Variants in LRP1B observed in about 807,000 individuals in gnomAD.
LRP1B encodes low-density lipoprotein receptor-related protein 1B.
In LRP1B, 217 loss-of-function variants were observed where a neutral mutation model predicts 556.6. That is an observed-to-expected ratio of 0.39 (90% CI 0.35 to 0.44). The LOEUF (loss-of-function observed/expected upper bound fraction) is 0.44. LRP1B is among the 20% of genes least tolerant of loss of function. The probability of loss-of-function intolerance (pLI) is 1.00; values close to 1 mark genes in which losing one functional copy is unlikely to be tolerated. For synonymous variants in LRP1B, 2,047 were observed against 1,865.8 expected (o/e 1.10, Z -2.50); for missense variants, 5,053 against 5,620.8 (o/e 0.90, Z 3.23).
intron 20 of LRP1B, among the ~76,000 whole-genome samples, chr2:140,937,093 C>T (rs1174706800): frequency 6.6e-6 from 1 of 151,914 alleles, no homozygotes; most frequent in African/African-American, 2.4e-5. Context: ...AGATAATAAG[C>T]TATAGAATAT....
chr2:142,112,063 A>G lies in LRP1B; in HGVS notation c.82+18585T>C, dbSNP rs1476764933. Among the ~76,000 whole-genome samples, 4 of 152,096 alleles carry G rather than the reference A, an allele frequency of 2.6e-5. 1 individual carries two copies. Among genetic ancestry groups the G allele is most frequent in the Admixed American group, 2.6e-4 (4 of 15,220 alleles). ...AAGCATTACATCAAGGTGCCTTTCC[A>G]TCTATGCTATGAATTCTACTAGTAC... On this transcript the variant is annotated intron_variant, in intron 1 of 90. Coordinates refer to ENST00000389484, the MANE Select transcript of LRP1B (RefSeq NM_018557.3).
At chr2:141,519,084 A>T (rs12997891) in intron 2 of LRP1B, among the ~76,000 whole-genome samples, 92,012 of 151,848 alleles carry the variant, frequency 0.61, 28,196 homozygotes, top group South Asian at 0.7. Flanking sequence ...GCTTTTCATA[A>T]GTTTACTATT....
chr2:140,249,239 A>AT (rs1286278327), intron 86 of LRP1B, among the ~76,000 whole-genome samples: 4 of 151,702 alleles, frequency 2.6e-5, no homozygotes, highest in South Asian at 2.1e-4. Context: ...AACATCATGT[A>AT]TTTTTAATAA....
intron 2 of LRP1B, among the ~76,000 whole-genome samples, chr2:141,556,219 G>A (rs1408517909): frequency 1.3e-5 from 2 of 151,846 alleles, no homozygotes; most frequent in Non-Finnish European, 2.9e-5. Flanking sequence ...GAGACAATTA[G>A]CTGTACTTCC....
At chr2:141,077,562 A>G (rs1237200006) in intron 7 of LRP1B, among the ~76,000 whole-genome samples, 1 of 152,166 alleles carries the variant, frequency 6.6e-6, no homozygotes, top group African/African-American at 2.4e-5. Context: ...CTTCGTGTCT[A>G]TAGTCGGCTG....
At chr2:141,248,445 T>C (rs534922933) in intron 4 of LRP1B, among the ~76,000 whole-genome samples, 5 of 152,166 alleles carry the variant, frequency 3.3e-5, no homozygotes, top group Non-Finnish European at 7.4e-5. Context: ...AAGGGGAATC[T>C]TAAGTGAAGA....
At chr2:140,754,622 G>T (rs1022268229) in intron 35 of LRP1B, among the ~76,000 whole-genome samples, 2 of 152,088 alleles carry the variant, frequency 1.3e-5, no homozygotes, top group South Asian at 2.1e-4. Context: ...AATACTTTGA[G>T]ATGAGTGAAA....
chr2:141,120,258 A>G (rs1701013645), intron 7 of LRP1B, among the ~76,000 whole-genome samples: 1 of 151,942 alleles, frequency 6.6e-6, no homozygotes, highest in African/African-American at 2.4e-5. Context: ...AAGGATATTC[A>G]TTTCTAGTTT....
At chr2:141,476,245 TA>T (rs1682701771) in intron 3 of LRP1B, among the ~76,000 whole-genome samples, 1 of 152,212 alleles carries the variant, frequency 6.6e-6, no homozygotes, top group Non-Finnish European at 1.5e-5. Flanking sequence ...ATTAACATAA[TA>T]AATTATCTTA....
At chr2:142,037,399 G>A (rs947375276) in intron 1 of LRP1B, among the ~76,000 whole-genome samples, 2 of 151,556 alleles carry the variant, frequency 1.3e-5, no homozygotes, top group Non-Finnish European at 3.0e-5. Context: ...ACACACAGCA[G>A]GTAGAGAATC....
intron 3 of LRP1B, among the ~76,000 whole-genome samples, chr2:141,361,277 C>G (rs910231206): frequency 6.6e-6 from 1 of 152,122 alleles, no homozygotes; most frequent in East Asian, 1.9e-4. Context: ...TGAATCTTAT[C>G]TTTTATTCAC....
chr2:142,025,632 C>A (rs1251411665), intron 1 of LRP1B, among the ~76,000 whole-genome samples: 1 of 152,074 alleles, frequency 6.6e-6, no homozygotes, highest in Admixed American at 6.6e-5. Flanking sequence ...AGATGGGTCA[C>A]CCCGGGTGGG....
At chr2:140,735,019 C>G (rs772089133) in intron 35 of LRP1B, among the ~76,000 whole-genome samples, 2 of 152,102 alleles carry the variant, frequency 1.3e-5, no homozygotes, top group Non-Finnish European at 2.9e-5. Context: ...GACTCTGTTT[C>G]CCAAAAGACC....
At chr2:140,714,113 T>C (rs867322874) in intron 37 of LRP1B, among the ~76,000 whole-genome samples, 91 of 152,276 alleles carry the variant, frequency 6.0e-4, no homozygotes, top group African/African-American at 2.1e-3. Context: ...ATTTTCAGTT[T>C]AAACAGAAAA....
chr2:141,424,819 T>C (rs1234353315), intron 3 of LRP1B, among the ~76,000 whole-genome samples: 2 of 152,212 alleles, frequency 1.3e-5, no homozygotes, highest in Non-Finnish European at 2.9e-5. Flanking sequence ...TGCACATTCC[T>C]ATGGCACTAG....
chr2:140,570,046 G>A (rs1413781692), intron 43 of LRP1B, among the ~76,000 whole-genome samples: 1 of 151,594 alleles, frequency 6.6e-6, no homozygotes, highest in African/African-American at 2.4e-5. Flanking sequence ...TTGTTAATAG[G>A]CAAGGCTATA....
intron 87 of LRP1B, among the ~76,000 whole-genome samples, chr2:140,244,861 T>G (rs1558921850): frequency 6.6e-6 from 1 of 151,284 alleles, no homozygotes; most frequent in Non-Finnish European, 1.5e-5. Flanking sequence ...TCGTTCTTAT[T>G]GGGCAGACGA....
chr2:141,113,524 A>G (rs1700806143), intron 7 of LRP1B, among the ~76,000 whole-genome samples: 2 of 152,150 alleles, frequency 1.3e-5, no homozygotes, highest in African/African-American at 2.4e-5. Flanking sequence ...CTTAGTTTTA[A>G]TGGTCTAGCA....
intron 43 of LRP1B, among the ~76,000 whole-genome samples, chr2:140,582,953 T>C (rs1681831623): frequency 6.6e-6 from 1 of 152,140 alleles, no homozygotes; most frequent in African/African-American, 2.4e-5. Flanking sequence ...TCTTTCCCCA[T>C]TTGTGCTCAG....
Sources: gnomAD v4.1 joint callset for allele counts (sites outside exome capture counted in the v4.1 genomes callset) on GRCh38, gnomAD v4.1.1 for gene constraint, MANE v1.5 for transcripts, NCBI Gene and HGNC (gene_info 2026-07-23, HGNC 2026-07-21) for gene names.